Variants in SGCG observed in about 807,000 individuals in gnomAD.
SGCG encodes the protein sarcoglycan gamma.
In SGCG, 26 loss-of-function variants were observed where a neutral mutation model predicts 29.3. That is an observed-to-expected ratio of 0.89 (90% CI 0.65 to 1.23). The LOEUF is 1.23. Ranked by LOEUF, SGCG falls within the 50% of genes most tolerant of loss-of-function variation. The pLI is 0.00. For synonymous variants in SGCG, 145 were observed against 129.7 expected (o/e 1.12, Z -0.80); for missense variants, 353 against 356.0 (o/e 0.99, Z 0.07).
intron 5 of SGCG, 61 bp downstream of exon 5, chr13:23,279,539 T>A: frequency 6.5e-7 from 1 of 1,532,680 alleles, no homozygotes; most frequent in Non-Finnish European, 9.0e-7. Flanking sequence ...AAAAACACAT[T>A]GTACTATTGA....
chr13:23,211,638 T>A (rs1262163337), intron 2 of SGCG, among the ~76,000 whole-genome samples: 2 of 152,164 alleles, frequency 1.3e-5, no homozygotes, highest in East Asian at 3.9e-4. Context: ...AATCCATGAG[T>A]GGATCCATTC....
chr13:23,319,518 A>T (rs9552925), intron 6 of SGCG, among the ~76,000 whole-genome samples: 38,302 of 151,972 alleles, frequency 0.25, 5,095 homozygotes, highest in South Asian at 0.35. Flanking sequence ...GTCATAGATT[A>T]AAAAAAACTT....
At chr13:23,280,008 G>A (rs1881248408) in intron 5 of SGCG, among the ~76,000 whole-genome samples, 1 of 152,104 alleles carries the variant, frequency 6.6e-6, no homozygotes, top group Admixed American at 6.5e-5. Flanking sequence ...GATTACAGGT[G>A]TGAGCCACAA....
rs552608648 is a variant in SGCG at position 23,190,221 on chromosome 13, CTTGA to C, written c.-1+9156_-1+9159del. Among the ~76,000 whole-genome samples the C allele has an allele frequency of 2.6e-3, 402 of 152,024 alleles. 1 individual carries two copies. The highest frequency in any genetic ancestry group is 8.5e-3 in the African/African-American group (353 of 41,450). On this transcript the variant is annotated intron_variant, in intron 1 of 7. Transcript: ENST00000218867. The stretch of plus-strand genomic sequence containing the variant: ...TTTTAGTAAATTGGTATTTGAGAGT[CTTGA>C]TTGATTGATAATATTAATAATATAT...
At chr13:23,304,759 A>G (rs1882300581) in intron 6 of SGCG, among the ~76,000 whole-genome samples, 1 of 152,120 alleles carries the variant, frequency 6.6e-6, no homozygotes, top group Admixed American at 6.5e-5. Context: ...GCCTGCCATC[A>G]TGCATGGCTA....
chr13:23,255,906 A>G (rs1390762207), intron 4 of SGCG, among the ~76,000 whole-genome samples: 3 of 152,206 alleles, frequency 2.0e-5, no homozygotes, highest in Non-Finnish European at 4.4e-5. Flanking sequence ...AGCAGCTTAC[A>G]CCATGAACCA....
rs78309901 is a variant in SGCG, at chr13:23,238,032, GAA to G, written c.297+3329_297+3330del. 7.4e-5 allele frequency among the ~76,000 whole-genome samples: 11 copies of G among 149,428 alleles called. No homozygotes were observed. In the East Asian group the frequency reaches 1.6e-3, roughly 21 times the overall value. ...CTCCTGCATTAAACAACTAAAAAAT[GAA>G]AAAAAAAATATATGAAACAGTGGTT... On this transcript the variant is annotated intron_variant, in intron 3 of 7. Transcript: ENST00000218867.
At position 23,241,224 on chromosome 13, in the gene SGCG, T is replaced by G. The variant is rs568869680; in HGVS notation, c.297+6512T>G. On this transcript the variant is annotated intron_variant, in intron 3 of 7. Coordinates refer to ENST00000218867, the MANE Select transcript of SGCG (RefSeq NM_000231.3). ...TTAAGAAACTAGAAGAAGAACATGT[T>G]AGACCAAAAATCAAAGACAGAAGAT... Among the ~76,000 whole-genome samples the G allele has an allele frequency of 9.9e-5, 15 of 151,202 alleles. 1 individual carries two copies. In the East Asian group the frequency reaches 2.3e-3, roughly 23 times the overall value.
chr13:23,191,692 A>C (rs1877259640), intron 1 of SGCG, among the ~76,000 whole-genome samples: 2 of 152,220 alleles, frequency 1.3e-5, no homozygotes. Flanking sequence ...AAGTGGCCTC[A>C]GCTAGTAGAT....
At chr13:23,270,174 T>C (rs1454941137) in intron 4 of SGCG, among the ~76,000 whole-genome samples, 1 of 152,148 alleles carries the variant, frequency 6.6e-6, no homozygotes, top group African/African-American at 2.4e-5. Context: ...TGCCCGGCTG[T>C]ATTTTGTTTT....
rs377111865 is a variant in SGCG, at chr13:23,216,239, T to C, written c.195+12350T>C. Among the ~76,000 whole-genome samples the C allele has an allele frequency of 1.3e-3, 201 of 152,292 alleles. 5 individuals carry two copies. In the South Asian group the frequency reaches 0.04, roughly 31 times the overall value. On this transcript the variant is annotated intron_variant, in intron 2 of 7. Coordinates refer to ENST00000218867, the MANE Select transcript of SGCG (RefSeq NM_000231.3). ...TCAGAACCCCTGAATTTGTCTATAC[T>C]ACGGGTGTATCTATTTATGTCAGAG...
At chr13:23,200,422 C>T (rs909957306) in intron 1 of SGCG, among the ~76,000 whole-genome samples, 2 of 151,962 alleles carry the variant, frequency 1.3e-5, no homozygotes, top group Non-Finnish European at 2.9e-5. Context: ...GAATCTGTTT[C>T]AAAAAACAAA....
At chr13:23,234,979 T>A (rs911524823) in intron 3 of SGCG, among the ~76,000 whole-genome samples, 3 of 152,148 alleles carry the variant, frequency 2.0e-5, no homozygotes, top group African/African-American at 7.2e-5. Context: ...GAAATGAAAA[T>A]TTTTACCAAG....
At chr13:23,283,135 G>T (rs555677364) in intron 5 of SGCG, among the ~76,000 whole-genome samples, 2 of 152,274 alleles carry the variant, frequency 1.3e-5, no homozygotes, top group African/African-American at 4.8e-5. Context: ...TATTAGGTCT[G>T]CTTGGTCCAG....
chr13:23,215,452 GAT>G (rs1878392473), intron 2 of SGCG, among the ~76,000 whole-genome samples: 1 of 152,042 alleles, frequency 6.6e-6, no homozygotes, highest in African/African-American at 2.4e-5. Context: ...ATTAGCTTAG[GAT>G]TCAGACTGGG....
chr13:23,320,668 G>T lies in SGCG; in HGVS notation c.610G>T (p.Asp204Tyr), dbSNP rs1382067387. 6.2e-7 allele frequency: 1 copy of T among 1,600,804 alleles called. No individual in the cohort carries two copies. Among genetic ancestry groups the T allele is most frequent in the South Asian group, 1.1e-5 (1 of 89,946 alleles). The change falls in exon 7 of 8, where the codon GAT becomes TAT. Residue 204 changes from aspartate to tyrosine, a missense_variant. Physicochemically the swap from Asp to Tyr is radical, Grantham distance 160. Coordinates refer to ENST00000218867, the MANE Select transcript of SGCG (RefSeq NM_000231.3). ...ATCCCCCACTCGGAGTCTAAGCATG[G>T]ATGCCCCAAGGGGTGTGCATATTCA... ...LESPTRSLSM[D>Y]APRGVHIQAH...
chr13:23,250,571 T>C (rs1879920835), intron 3 of SGCG, 59 bp from the exon 4 acceptor site: 1 of 810,842 alleles, frequency 1.2e-6, no homozygotes, highest in Middle Eastern at 2.2e-4. Flanking sequence ...CACAGAATTA[T>C]AAAGATATAA....
At chr13:23,324,333 C>T (rs912153999) in intron 7 of SGCG, 35 bp from the exon 8 acceptor site, 2 of 1,609,842 alleles carry the variant, frequency 1.2e-6, no homozygotes, top group Non-Finnish European at 1.7e-6. Flanking sequence ...GGTGGCCCTT[C>T]CTTAACTCTT....
At chr13:23,314,106 C>T (rs982110804) in intron 6 of SGCG, among the ~76,000 whole-genome samples, 1 of 151,268 alleles carries the variant, frequency 6.6e-6, no homozygotes, top group African/African-American at 2.4e-5. Flanking sequence ...AATAAACTCC[C>T]CTTTATATAT....
Sources: allele counts gnomAD v4.1 joint callset (sites outside exome capture counted in the v4.1 genomes callset), GRCh38; gene constraint gnomAD v4.1.1; transcripts MANE v1.5; gene names NCBI Gene and HGNC (gene_info 2026-07-23, HGNC 2026-07-21).